Variants in DOCK6 observed in about 807,000 individuals in gnomAD.
DOCK6 encodes dedicator of cytokinesis 6.
Under a neutral mutation model 230.3 loss-of-function variants are expected in DOCK6, and 167 were observed. The observed-to-expected ratio is 0.73, with a 90% confidence interval of 0.64 to 0.82. The LOEUF (loss-of-function observed/expected upper bound fraction) is 0.82, where lower values mean the gene tolerates loss of function less well. Among genes scored for constraint, DOCK6 ranks in the 40% least tolerant of loss-of-function variants. The pLI is 0.00. For missense variants in DOCK6, 2,598 were observed against 2,825.8 expected, an observed-to-expected ratio of 0.92 and a Z score of 1.83; for synonymous variants, 1,148 against 1,185.0, an observed-to-expected ratio of 0.97 and a Z score of 0.64.
At chr19:11,228,011 CTT>C (rs886573859) in intron 23 of DOCK6, among the ~76,000 whole-genome samples, 23 of 134,810 alleles carry the variant, frequency 1.7e-4, no homozygotes, top group African/African-American at 1.6e-4. Flanking sequence ...AGCTTTCCCT[CTT>C]TTTTTTTTTT....
chr19:11,243,204 G>A lies in DOCK6; in HGVS notation c.1387-52C>T, dbSNP rs563020301. 1.5e-5 allele frequency: 25 copies of A among 1,613,438 alleles called. No homozygotes were observed. In the African/African-American group the frequency reaches 3.3e-4, roughly 22 times the overall value. On this transcript the variant is annotated intron_variant, in intron 12 of 47. Transcript: ENST00000294618. This position sits in a 1 kb window ranked among gnomAD's most constrained non-coding sequence, Gnocchi z 6.3. Reference sequence around the variant, plus strand: ...TGGGCCAGGGGGCTAGGGGTCCCCAGGGCTAATGCAGCCAGCGGGGAGTGG... The same window carrying A: ...TGGGCCAGGGGGCTAGGGGTCCCCAAGGCTAATGCAGCCAGCGGGGAGTGG...
At chr19:11,240,665 C>T (rs535565121) in intron 14 of DOCK6, among the ~76,000 whole-genome samples, 1 of 151,618 alleles carries the variant, frequency 6.6e-6, no homozygotes, top group South Asian at 2.1e-4. Context: ...CTGCAACCTC[C>T]ACCTCCTAGG....
intron 47 of DOCK6, among the ~76,000 whole-genome samples, chr19:11,199,919 C>T (rs977713014): frequency 1.8e-4 from 27 of 152,032 alleles, no homozygotes; most frequent in African/African-American, 6.3e-4. Context: ...GAGGGCAAAG[C>T]GGATGGATCA....
Position 11,201,374 on chromosome 19 carries a change from G to A in DOCK6, c.5689-322C>T, listed in dbSNP as rs150487799. Among the ~76,000 whole-genome samples, 1,338 of 152,226 alleles carry A rather than the reference G, an allele frequency of 8.8e-3. 19 individuals carry two copies. Among genetic ancestry groups the A allele is most frequent in the African/African-American group, 0.031 (1,268 of 41,530 alleles). On this transcript the variant is annotated intron_variant, in intron 44 of 47. Coordinates refer to ENST00000294618, the MANE Select transcript of DOCK6 (RefSeq NM_020812.4). This position sits in a 1 kb window ranked among gnomAD's most constrained non-coding sequence, Gnocchi z 4.3. Reference sequence around the variant, plus strand: ...ACATGAGCCAATTTCTGGGTCTAGCGTGTCCACGCCTCTCCTCTCTGGGTC... The same window carrying A: ...ACATGAGCCAATTTCTGGGTCTAGCATGTCCACGCCTCTCCTCTCTGGGTC...
intron 1 of DOCK6, among the ~76,000 whole-genome samples, chr19:11,258,971 A>G (rs1284057995): frequency 6.6e-6 from 1 of 150,430 alleles, no homozygotes; most frequent in Non-Finnish European, 1.5e-5. Context: ...ACAGACCCGA[A>G]CTCCTGACCT....
In DOCK6 at chr19:11,221,846, C is replaced by T; in HGVS notation, c.3550+5G>A. Reference sequence around the variant, plus strand: ...TGTGACCCCATCTTCCCCTGGCCCACTGACCAGCAAAGTCATGCAGCCGTG... The same window carrying T: ...TGTGACCCCATCTTCCCCTGGCCCATTGACCAGCAAAGTCATGCAGCCGTG... On this transcript the variant is annotated splice_donor_5th_base_variant and intron_variant, in intron 28 of 47. Coordinates refer to ENST00000294618, the MANE Select transcript of DOCK6 (RefSeq NM_020812.4). 6.2e-7 allele frequency: 1 copy of T among 1,613,732 alleles called. No homozygotes were observed. The highest frequency in any genetic ancestry group is 8.5e-7 in the Non-Finnish European group (1 of 1,179,908).
Position 11,236,626 on chromosome 19 carries a change from C to T in DOCK6, c.2161-49G>A, listed in dbSNP as rs755886058. 29 of 1,524,022 alleles carry T rather than the reference C, an allele frequency of 1.9e-5. No homozygotes were observed. The highest frequency in any genetic ancestry group is 1.8e-4 in the Middle Eastern group (1 of 5,570). The allele number at this position is 1,524,022 out of a possible 1,614,324, so 94.4% of individuals were successfully genotyped here. A position where few individuals can be genotyped will look rare whatever the true frequency, so the allele number is the denominator to read the frequency against. ...AGGGTGGGGCCTCAGGGAATGAAGACCACCCCTGCCTGAATCAGCAGCTTC... is the reference window on the plus strand; with the variant it reads ...AGGGTGGGGCCTCAGGGAATGAAGATCACCCCTGCCTGAATCAGCAGCTTC... On this transcript the variant is annotated intron_variant, in intron 19 of 47. Transcript: ENST00000294618. This position sits in a 1 kb window ranked among gnomAD's most constrained non-coding sequence, Gnocchi z 5.2.
At chr19:11,245,977 C>T in intron 7 of DOCK6, 99 bp from the exon 8 acceptor site, 1 of 1,357,566 alleles carries the variant, frequency 7.4e-7, no homozygotes, top group South Asian at 1.3e-5. Context: ...ATCTGACTCC[C>T]ACTGGGCCAC....
chr19:11,262,027 C>T (rs1349820476), intron 1 of DOCK6, among the ~76,000 whole-genome samples: 3 of 152,168 alleles, frequency 2.0e-5, no homozygotes, highest in African/African-American at 4.8e-5. Flanking sequence ...TCTCCGAGAG[C>T]GCGGGGACAG....
intron 28 of DOCK6, chr19:11,221,185 CAT>C (rs2079573940): frequency 6.6e-6 from 1 of 152,630 alleles, no homozygotes. Context: ...CAACAGAAGA[CAT>C]AAGTGGTGAA....
intron 30 of DOCK6, 185 bp from the exon 31 acceptor site, chr19:11,216,112 G>T: frequency 1.8e-6 from 1 of 561,740 alleles, no homozygotes; most frequent in Non-Finnish European, 2.9e-6. Context: ...TCTTGAAACA[G>T]AGTCTCTCTC....
Position 11,235,703 on chromosome 19 carries a change from G to A in DOCK6, c.2449C>T (p.Arg817Trp), listed in dbSNP as rs781012897. ...AMAHVVSLVH[R>W]SLEAAQDARG... The stretch of plus-strand genomic sequence containing the variant: ...GCATCCTGGGCTGCCTCCAGGCTCC[G>A]GTGAACAAGGCTGACTACATGGGCC... The change falls in exon 21 of 48, where the codon CGG (arginine) becomes TGG (tryptophan). Residue 817 changes from arginine to tryptophan, a missense_variant. Arg to Trp is a moderately radical substitution (Grantham distance 101, BLOSUM62 -3). Coordinates refer to ENST00000294618, the MANE Select transcript of DOCK6 (RefSeq NM_020812.4). 23 of 1,600,188 alleles carry A rather than the reference G, an allele frequency of 1.4e-5. No individual in the cohort carries two copies. The highest frequency in any genetic ancestry group is 3.4e-5 in the Admixed American group (2 of 58,496).
At chr19:11,256,775 T>C (rs960482158) in intron 1 of DOCK6, among the ~76,000 whole-genome samples, 8 of 152,106 alleles carry the variant, frequency 5.3e-5, no homozygotes, top group African/African-American at 1.7e-4. Flanking sequence ...CCTCCAGGGT[T>C]CAAGCGATTC....
At chr19:11,205,034 C>T (rs947646195) in intron 39 of DOCK6, among the ~76,000 whole-genome samples, 1 of 152,212 alleles carries the variant, frequency 6.6e-6, no homozygotes, top group Non-Finnish European at 1.5e-5. Context: ...GCCCTGTGCC[C>T]ATGACCTCCA....
intron 6 of DOCK6, 34 bp from the exon 7 acceptor site, chr19:11,248,185 G>A: frequency 6.7e-7 from 1 of 1,502,758 alleles, no homozygotes; most frequent in Non-Finnish European, 9.1e-7. Flanking sequence ...CTGGGCGGGA[G>A]GAGCTGGGAC....
Position 11,243,436 on chromosome 19 carries a change from G to T in DOCK6, c.1259-51C>A. On this transcript the variant is annotated intron_variant, in intron 11 of 47. Transcript: ENST00000294618. This position sits in a 1 kb window ranked among gnomAD's most constrained non-coding sequence, Gnocchi z 6.3. ...AAGGGGGACCAAGATGAAACAGGGA[G>T]ACTCAGGGGCGGCACAGTTCGGCCA... 1 of 1,579,910 alleles carries T rather than the reference G, an allele frequency of 6.3e-7. No individual in the cohort carries two copies.
chr19:11,232,151 G>A (rs1195669702), intron 22 of DOCK6: 3 of 1,270,488 alleles, frequency 2.4e-6, no homozygotes, highest in Non-Finnish European at 3.1e-6. Flanking sequence ...CTGAGGTGGT[G>A]TCACATGAGT....
At chr19:11,261,916 GCCA>G in intron 1 of DOCK6, among the ~76,000 whole-genome samples, 1 of 151,930 alleles carries the variant, frequency 6.6e-6, no homozygotes, top group Non-Finnish European at 1.5e-5. Context: ...GGTTTCAAAC[GCCA>G]CCAAGGAGCC....
rs1252173045 is a variant in DOCK6, at chr19:11,253,721, A to G, written c.50T>C (p.Val17Ala). 2.0e-6 allele frequency: 3 copies of G among 1,473,188 alleles called. No individual in the cohort carries two copies. Among genetic ancestry groups the G allele is most frequent in the East Asian group, 5.8e-5 (2 of 34,492 alleles). The allele number at this position is 1,473,188 out of a possible 1,614,324, so 91.3% of individuals were successfully genotyped here. A position where few individuals can be genotyped will look rare whatever the true frequency, so the allele number is the denominator to read the frequency against. Residue 17 changes from valine to alanine, a missense_variant, in exon 2 of 48, where the codon GTG becomes GCG. By Grantham distance (64) the Val-to-Ala change is moderately conservative. Coordinates refer to ENST00000294618, the MANE Select transcript of DOCK6 (RefSeq NM_020812.4). ...RAFAHKINRT[V>A]AAEVRKQVSR... ...CACCTGCTTCCGCACCTCTGCGGCC[A>G]CCGTCCTGGAAAGATAGGGAGGGGG...
Sources: allele counts gnomAD v4.1 joint callset (sites outside exome capture counted in the v4.1 genomes callset), GRCh38; gene constraint gnomAD v4.1.1; non-coding constraint Gnocchi (gnomAD v3.1); transcripts MANE v1.5; gene names NCBI Gene and HGNC (gene_info 2026-07-23, HGNC 2026-07-21).